The following COL8A1 variants were observed in gnomAD, a reference collection of about 807,000 sequenced individuals.
The protein encoded by COL8A1 is collagen type VIII alpha 1 chain.
A neutral mutation model predicts 42.7 loss-of-function variants in COL8A1; 21 were observed. The observed-to-expected ratio is 0.49, with a 90% CI of 0.35 to 0.71. The LOEUF is 0.71. Among genes scored for constraint, COL8A1 ranks in the 30% least tolerant of loss-of-function variants. COL8A1 has a pLI of 0.01. For synonymous variants in COL8A1, 367 were observed against 369.1 expected (o/e 0.99, Z 0.06); for missense variants, 788 against 962.4 (o/e 0.82, Z 2.40).
intron 2 of COL8A1, among the ~76,000 whole-genome samples, chr3:99,761,947 A>T (rs1426438524): frequency 1.3e-5 from 2 of 152,204 alleles, no homozygotes; most frequent in African/African-American, 4.8e-5. Flanking sequence ...CTATTCCAGC[A>T]ATAAATTTTA....
chr3:99,782,290 A>G (rs750737734), intron 2 of COL8A1, among the ~76,000 whole-genome samples: 42 of 152,292 alleles, frequency 2.8e-4, no homozygotes, highest in Non-Finnish European at 5.6e-4. Flanking sequence ...CAACTGTAAG[A>G]AGGGAGAGTG....
intron 2 of COL8A1, among the ~76,000 whole-genome samples, chr3:99,753,437 G>C (rs1941191936): frequency 1.3e-5 from 2 of 152,156 alleles, no homozygotes; most frequent in Admixed American, 1.3e-4. Context: ...TTTGCTGACT[G>C]GAGTTTTGTT....
In COL8A1 at chr3:99,639,805, C is replaced by T. The variant is rs79785293; in HGVS notation, c.-129+1141C>T. Among the ~76,000 whole-genome samples the T allele has an allele frequency of 8.9e-3, 1,362 of 152,298 alleles. 22 individuals are homozygous for T. The highest frequency in any genetic ancestry group is 0.031 in the African/African-American group (1,279 of 41,550). ...GTTTCCTCTGGGGAATTGCTCAAGA[C>T]CACTTAGAGAAGGCAAACCAAAAGT... On this transcript the variant is annotated intron_variant, in intron 1 of 3. Coordinates refer to ENST00000652472, the MANE Select transcript of COL8A1 (RefSeq NM_020351.4).
intron 2 of COL8A1, among the ~76,000 whole-genome samples, chr3:99,789,273 A>G (rs1941952445): frequency 6.6e-6 from 1 of 152,242 alleles, no homozygotes; most frequent in Admixed American, 6.5e-5. Context: ...AGGCAAAAGC[A>G]AAGAAAACAA....
chr3:99,792,138 AATCAT>A (rs1157793244), intron 3 of COL8A1, among the ~76,000 whole-genome samples: 1 of 152,198 alleles, frequency 6.6e-6, no homozygotes, highest in Non-Finnish European at 1.5e-5. Flanking sequence ...ATAGTACTAT[AATCAT>A]ATCTATTCAT....
rs538682051 is a variant in COL8A1, at chr3:99,684,899, A to G, written c.-129+46235A>G. On this transcript the variant is annotated intron_variant, in intron 1 of 3. Coordinates refer to ENST00000652472, the MANE Select transcript of COL8A1 (RefSeq NM_020351.4). Reference sequence around the variant, plus strand: ...ATTAGCATGACTGAATTATCATCCTATTTGCTGGCGTAATTGCAGTTGGGA... The same window carrying G: ...ATTAGCATGACTGAATTATCATCCTGTTTGCTGGCGTAATTGCAGTTGGGA... 4.6e-5 allele frequency among the ~76,000 whole-genome samples: 7 copies of G among 152,290 alleles called. No homozygotes were observed. The East Asian group carries it at 5.8e-4, about 13-fold the overall frequency.
intron 1 of COL8A1, chr3:99,678,338 A>T (rs1938763188): frequency 6.6e-6 from 1 of 152,116 alleles, no homozygotes; most frequent in South Asian, 2.1e-4. Flanking sequence ...CTGCTTGGCC[A>T]TGCTGACTTG....
chr3:99,779,589 G>A (rs35445146), intron 2 of COL8A1, among the ~76,000 whole-genome samples: 13,285 of 152,254 alleles, frequency 0.087, 651 homozygotes, highest in Middle Eastern at 0.11. Flanking sequence ...GGAGCAGGAC[G>A]AGATCCAGCC....
At chr3:99,656,150 G>A (rs1358104264) in intron 1 of COL8A1, among the ~76,000 whole-genome samples, 3 of 152,102 alleles carry the variant, frequency 2.0e-5, no homozygotes, top group Non-Finnish European at 4.4e-5. Flanking sequence ...ATCCTTAAAG[G>A]TATAAAATAT....
intron 1 of COL8A1, among the ~76,000 whole-genome samples, chr3:99,741,604 TG>T (rs753773023): frequency 6.6e-6 from 1 of 151,726 alleles, no homozygotes; most frequent in Non-Finnish European, 1.5e-5. Flanking sequence ...TTTACTCACA[TG>T]TTTAGTACCC....
chr3:99,795,186 G>A lies in COL8A1; in HGVS notation c.1285G>A (p.Gly429Ser). ...VGPQGPPGPK[G>S]EPGLQGFPGK... ...GCCACAGGGGCCACCAGGTCCCAAG[G>A]GTGAGCCAGGGCTTCAAGGCTTCCC... Residue 429 changes from glycine (G) to serine (S), a missense_variant, in exon 4 of 4, where the codon GGT becomes AGT. This residue lies in a region of COL8A1 where 421 missense variants were observed against 553.1 expected (regional missense o/e 0.76). Transcript: ENST00000652472. 6.2e-7 allele frequency: 1 copy of A among 1,613,792 alleles called. No homozygotes were observed. The highest frequency in any genetic ancestry group is 8.5e-7 in the Non-Finnish European group (1 of 1,179,862).
intron 2 of COL8A1, among the ~76,000 whole-genome samples, chr3:99,769,520 G>A (rs793480): frequency 0.64 from 97,408 of 152,170 alleles, 31,925 homozygotes; most frequent in African/African-American, 0.78. Flanking sequence ...AAGCTTCACT[G>A]GAGATTGGCA....
At chr3:99,780,538 C>G (rs1031048984) in intron 2 of COL8A1, among the ~76,000 whole-genome samples, 2 of 152,202 alleles carry the variant, frequency 1.3e-5, no homozygotes, top group Admixed American at 6.5e-5. Context: ...ACAGAGAAGA[C>G]TCTGAGTGTC....
intron 1 of COL8A1, among the ~76,000 whole-genome samples, chr3:99,652,638 A>G (rs1217486109): frequency 6.6e-6 from 1 of 152,212 alleles, no homozygotes; most frequent in African/African-American, 2.4e-5. Context: ...CTGACCTGCA[A>G]GGTTTGCTTA....
intron 1 of COL8A1, among the ~76,000 whole-genome samples, chr3:99,639,205 G>T (rs1053611466): frequency 6.6e-6 from 1 of 152,150 alleles, no homozygotes; most frequent in Admixed American, 6.5e-5. Context: ...CCCTTTGCAC[G>T]GGGACAGTAA....
chr3:99,710,534 A>G (rs1939805400), intron 1 of COL8A1, among the ~76,000 whole-genome samples: 1 of 152,210 alleles, frequency 6.6e-6, no homozygotes, highest in Non-Finnish European at 1.5e-5. Context: ...AATGAACCAA[A>G]GCTGTGGAAA....
At chr3:99,678,976 C>T (rs777258538) in intron 1 of COL8A1, 1 of 151,998 alleles carries the variant, frequency 6.6e-6, no homozygotes, top group African/African-American at 2.4e-5. Context: ...GATGATTATC[C>T]GTATAAATAT....
At position 99,795,530 on chromosome 3, in the gene COL8A1, C is replaced by T. The variant is rs760298530; in HGVS notation, c.1629C>T (p.Pro543=). ...CCGGAGTGGCAGGACTTCATGGCCCCCCAGGGAAGCCTGGTGCCCTTGGTC... is the reference window on the plus strand; with the variant it reads ...CCGGAGTGGCAGGACTTCATGGCCCTCCAGGGAAGCCTGGTGCCCTTGGTC... ...GKPGVAGLHG[P]PGKPGALGPQ... is the part of the protein sequence containing the mutation. The change falls in exon 4 of 4, where the codon CCC becomes CCT. Residue 543 remains proline, a synonymous_variant. Coordinates refer to ENST00000652472, the MANE Select transcript of COL8A1 (RefSeq NM_020351.4). 8.1e-6 allele frequency: 13 copies of T among 1,601,060 alleles called. No individual in the cohort carries two copies. The South Asian group carries it at 1.4e-4, about 18-fold the overall frequency.
intron 1 of COL8A1, among the ~76,000 whole-genome samples, chr3:99,670,997 G>A (rs532144305): frequency 1.4e-4 from 22 of 151,856 alleles, no homozygotes; most frequent in African/African-American, 5.3e-4. Flanking sequence ...ATGTGTGTGT[G>A]TGTTAGAGAT....
Sources: gnomAD v4.1 joint callset for allele counts (sites outside exome capture counted in the v4.1 genomes callset) on GRCh38, gnomAD v4.1.1 for gene constraint, gnomAD v4.1.1 regional missense constraint, MANE v1.5 for transcripts, NCBI Gene and HGNC (gene_info 2026-07-23, HGNC 2026-07-21) for gene names.